The following CHN2 variants were observed in gnomAD, a reference collection of about 807,000 sequenced individuals.
The protein encoded by CHN2 is beta-chimaerin.
In CHN2, 35 loss-of-function variants were observed where a neutral mutation model predicts 56.3. The observed-to-expected ratio is 0.62, with a 90% CI of 0.47 to 0.82. The LOEUF is 0.82. Ranked by LOEUF, CHN2 falls within the 40% of genes least tolerant of loss-of-function variation. The probability of loss-of-function intolerance (pLI) is 0.00; values close to 1 mark genes in which losing one functional copy is unlikely to be tolerated. For missense variants in CHN2, 491 were observed against 580.5 expected (o/e 0.85, Z 1.58); for synonymous variants, 210 against 212.8 (o/e 0.99, Z 0.12).
chr7:29,200,555 C>T (rs1784081506), intron 1 of CHN2: 1 of 144,656 alleles, frequency 6.9e-6, no homozygotes, highest in Non-Finnish European at 1.5e-5. Flanking sequence ...ATCAATCCCA[C>T]ATTTGGTTTT....
intron 1 of CHN2, among the ~76,000 whole-genome samples, chr7:29,252,584 T>TTTG (rs1283144444): frequency 0.03 from 672 of 22,406 alleles, 189 homozygotes; most frequent in African/African-American, 0.23. Flanking sequence ...CTTTGTTTTT[T>TTTG]TTTTTTTTTT....
intron 1 of CHN2, among the ~76,000 whole-genome samples, chr7:29,290,151 T>A (rs1481416458): frequency 6.6e-6 from 1 of 152,252 alleles, no homozygotes; most frequent in African/African-American, 2.4e-5. Flanking sequence ...CTGCACTGTT[T>A]TAAAGCACAA....
chr7:29,323,859 C>T (rs903202540), intron 1 of CHN2, among the ~76,000 whole-genome samples: 2 of 151,790 alleles, frequency 1.3e-5, no homozygotes, highest in East Asian at 1.9e-4. Context: ...GAAAAAATAG[C>T]CGGGCGTGGT....
chr7:29,436,487 A>G (rs964922080), intron 6 of CHN2, among the ~76,000 whole-genome samples: 3 of 152,168 alleles, frequency 2.0e-5, no homozygotes, highest in African/African-American at 7.2e-5. Context: ...GTTAAGGTAC[A>G]GTTTTGACCT....
chr7:29,303,881 G>A (rs540744675), intron 1 of CHN2, among the ~76,000 whole-genome samples: 4 of 152,146 alleles, frequency 2.6e-5, no homozygotes, highest in Non-Finnish European at 5.9e-5. Flanking sequence ...CCAACGTGGT[G>A]AAACCCCATC....
chr7:29,252,591 T>TTTTGTTTTGTTTTG (rs1554378210), intron 1 of CHN2, among the ~76,000 whole-genome samples: 798 of 25,092 alleles, frequency 0.032, 157 homozygotes, highest in African/African-American at 0.16. Context: ...TTTTTTTTTT[T>TTTTGTTTTGTTTTG]TTTTTTTTTT....
rs1003525453 is a variant in CHN2 at position 29,407,589 on chromosome 7, A to T, written c.576+6761A>T. Among the ~76,000 whole-genome samples the T allele has an allele frequency of 1.3e-5, 2 of 152,266 alleles. 1 individual carries two copies. The highest frequency in any genetic ancestry group is 4.1e-4 in the South Asian group (2 of 4,828). On this transcript the variant is annotated intron_variant, in intron 6 of 12. Transcript: ENST00000222792. ...CTGACATACCCAGTCTTTTCTCAGG[A>T]TTCAAGGGTAAATGAAGATGAGCAT...
At chr7:29,473,602 C>T (rs1786343015) in intron 6 of CHN2, among the ~76,000 whole-genome samples, 1 of 151,650 alleles carries the variant, frequency 6.6e-6, no homozygotes, top group African/African-American at 2.4e-5. Context: ...ACATCACCAT[C>T]ACCTGTGTAC....
chr7:29,334,347 T>C (rs1796454463), intron 1 of CHN2, among the ~76,000 whole-genome samples: 1 of 152,186 alleles, frequency 6.6e-6, no homozygotes, highest in South Asian at 2.1e-4. Flanking sequence ...TCATAGTGAC[T>C]ATTTTACCCT....
chr7:29,406,023 G>A (rs1215060550), intron 6 of CHN2, among the ~76,000 whole-genome samples: 1 of 152,188 alleles, frequency 6.6e-6, no homozygotes, highest in Non-Finnish European at 1.5e-5. Context: ...TCTCCCCAGT[G>A]CCATGCTCGC....
At chr7:29,425,206 A>C (rs1266465041) in intron 6 of CHN2, among the ~76,000 whole-genome samples, 2 of 152,226 alleles carry the variant, frequency 1.3e-5, no homozygotes, top group Non-Finnish European at 2.9e-5. Flanking sequence ...GGCACTTCAG[A>C]CCAGTAAAGT....
At chr7:29,264,885 AC>A (rs926116963) in intron 1 of CHN2, among the ~76,000 whole-genome samples, 26 of 151,184 alleles carry the variant, frequency 1.7e-4, no homozygotes, top group South Asian at 4.2e-4. Flanking sequence ...AAAAAAAAAA[AC>A]AAGTTAATTT....
chr7:29,252,510 T>G (rs1788649346), intron 1 of CHN2, among the ~76,000 whole-genome samples: 1 of 149,250 alleles, frequency 6.7e-6, no homozygotes, highest in Admixed American at 6.7e-5. Flanking sequence ...TTACACGAGA[T>G]AGTCTGTAAG....
At chr7:29,510,637 C>A (rs1182504972) in intron 12 of CHN2, among the ~76,000 whole-genome samples, 1 of 152,226 alleles carries the variant, frequency 6.6e-6, no homozygotes, top group Non-Finnish European at 1.5e-5. Flanking sequence ...AAAAAGCCAA[C>A]AGGCTTCTCT....
chr7:29,395,090 A>G (rs569055315), intron 4 of CHN2, among the ~76,000 whole-genome samples: 40 of 152,328 alleles, frequency 2.6e-4, no homozygotes, highest in African/African-American at 8.2e-4. Context: ...ATACACATTT[A>G]TTCCTAGAAG....
intron 1 of CHN2, among the ~76,000 whole-genome samples, chr7:29,234,147 A>G (rs1429093478): frequency 6.6e-6 from 1 of 152,006 alleles, no homozygotes; most frequent in African/African-American, 2.4e-5. Context: ...CCTTGATTTT[A>G]CCTTGAACGA....
At chr7:29,187,992 A>T (rs1798921698) in intron 2 of CHN2, among the ~76,000 whole-genome samples, 1 of 152,240 alleles carries the variant, frequency 6.6e-6, no homozygotes, top group African/African-American at 2.4e-5. Context: ...ATTTGAACTC[A>T]GATTTATCTT....
chr7:29,328,145 C>T (rs1004910289), intron 1 of CHN2, among the ~76,000 whole-genome samples: 3 of 152,158 alleles, frequency 2.0e-5, no homozygotes, highest in East Asian at 1.9e-4. Flanking sequence ...CATTTCTGCT[C>T]GGCCTTGTAA....
intron 3 of CHN2, among the ~76,000 whole-genome samples, chr7:29,382,395 G>A (rs1025753465): frequency 2.6e-5 from 4 of 152,218 alleles, no homozygotes; most frequent in African/African-American, 9.6e-5. Context: ...TCAGAAAGCA[G>A]ACAGGGGAAC....
Sources: gnomAD v4.1 joint callset for allele counts (sites outside exome capture counted in the v4.1 genomes callset) on GRCh38, gnomAD v4.1.1 for gene constraint, MANE v1.5 for transcripts, NCBI Gene and HGNC (gene_info 2026-07-23, HGNC 2026-07-21) for gene names.